Variants in GPC5 observed in about 807,000 individuals in gnomAD.
GPC5 encodes the protein glypican-5.
Under a neutral mutation model 53.9 loss-of-function variants are expected in GPC5, and 47 were observed. The ratio of observed to expected loss-of-function variants is 0.87; its 90% CI spans 0.69 to 1.11. GPC5 has a LOEUF of 1.11. Ranked by LOEUF, GPC5 falls within the 50% of genes most tolerant of loss-of-function variation. GPC5 has a pLI of 0.00. For synonymous variants in GPC5, 286 were observed against 263.3 expected (o/e 1.09, Z -0.84); for missense variants, 748 against 713.1 (o/e 1.05, Z -0.56).
chr13:92,820,599 C>T (rs1877641230), intron 7 of GPC5, among the ~76,000 whole-genome samples: 1 of 152,074 alleles, frequency 6.6e-6, no homozygotes, highest in Non-Finnish European at 1.5e-5. Context: ...CTTCACTAAC[C>T]CTCCTGCTTC....
rs570605789 is a variant in GPC5, at chr13:91,902,828, T to C, written c.1281-5109T>C. On this transcript the variant is annotated intron_variant, in intron 5 of 7. Transcript: ENST00000377067. ...TTTATATCAGACTTAGATCCTAAAG[T>C]ACTCACTTAATGACGACAGACCACT... Among the ~76,000 whole-genome samples the C allele has an allele frequency of 3.9e-5, 6 of 152,100 alleles. No homozygotes were observed. In the South Asian group the frequency reaches 1.0e-3, roughly 26 times the overall value.
At chr13:92,187,389 C>T (rs2042191773) in intron 7 of GPC5, among the ~76,000 whole-genome samples, 1 of 152,118 alleles carries the variant, frequency 6.6e-6, no homozygotes, top group Admixed American at 6.5e-5. Context: ...CTTGAGAGGA[C>T]TCAAAAATGC....
chr13:92,819,999 C>G (rs1266343075), intron 7 of GPC5, among the ~76,000 whole-genome samples: 1 of 151,968 alleles, frequency 6.6e-6, no homozygotes, highest in East Asian at 1.9e-4. Context: ...TTTTGCTGTT[C>G]TATCCCACAC....
chr13:91,439,150 G>A (rs868555628), intron 1 of GPC5, among the ~76,000 whole-genome samples: 9 of 152,150 alleles, frequency 5.9e-5, no homozygotes, highest in South Asian at 2.1e-4. Context: ...GCATGACTCC[G>A]GCTTTGTGTT....
At chr13:92,082,435 A>G (rs2138882771) in intron 6 of GPC5, among the ~76,000 whole-genome samples, 1 of 152,288 alleles carries the variant, frequency 6.6e-6, no homozygotes, top group East Asian at 1.9e-4. Context: ...CAGAGGAGTG[A>G]CAGCCTTCAA....
intron 6 of GPC5, among the ~76,000 whole-genome samples, chr13:91,968,689 T>C (rs1260703043): frequency 6.6e-6 from 1 of 152,214 alleles, no homozygotes; most frequent in East Asian, 1.9e-4. Flanking sequence ...CTCGAACTCC[T>C]GACCTCAGGT....
intron 7 of GPC5, among the ~76,000 whole-genome samples, chr13:92,546,271 C>A (rs940764749): frequency 6.6e-6 from 1 of 152,070 alleles, no homozygotes; most frequent in African/African-American, 2.4e-5. Flanking sequence ...AAAACCCCAT[C>A]GTCTCAACCC....
At chr13:92,726,118 A>G (rs765954629) in intron 7 of GPC5, among the ~76,000 whole-genome samples, 14 of 151,446 alleles carry the variant, frequency 9.2e-5, no homozygotes, top group South Asian at 2.1e-4. Flanking sequence ...AGAGCTCCAG[A>G]AAAGAGATGA....
At chr13:91,463,182 A>G (rs901280618) in intron 2 of GPC5, among the ~76,000 whole-genome samples, 1 of 152,096 alleles carries the variant, frequency 6.6e-6, no homozygotes, top group Non-Finnish European at 1.5e-5. Flanking sequence ...TATACTTTAA[A>G]TCATCTCTAG....
chr13:91,423,555 ATGG>A (rs1322239334), intron 1 of GPC5, among the ~76,000 whole-genome samples: 1 of 152,004 alleles, frequency 6.6e-6, no homozygotes, highest in African/African-American at 2.4e-5. Flanking sequence ...GGAGAGTAGG[ATGG>A]TGGTTACCAG....
intron 7 of GPC5, among the ~76,000 whole-genome samples, chr13:92,605,611 C>T (rs1263956367): frequency 7.1e-6 from 1 of 140,284 alleles, no homozygotes; most frequent in Non-Finnish European, 1.5e-5. Context: ...GAGACGGAGT[C>T]TCGCTCTGTC....
At chr13:91,589,128 G>T (rs2032704051) in intron 2 of GPC5, among the ~76,000 whole-genome samples, 1 of 152,022 alleles carries the variant, frequency 6.6e-6, no homozygotes, top group Non-Finnish European at 1.5e-5. Flanking sequence ...TGCAGTATTT[G>T]ATGTCTTTGA....
intron 7 of GPC5, chr13:92,240,677 G>A (rs2042605718): frequency 6.7e-6 from 1 of 150,190 alleles, no homozygotes; most frequent in South Asian, 2.1e-4. Context: ...CTAATTTTTT[G>A]TATTTTTAGT....
At chr13:92,752,325 C>G (rs993949539) in intron 7 of GPC5, among the ~76,000 whole-genome samples, 1 of 152,192 alleles carries the variant, frequency 6.6e-6, no homozygotes, top group Non-Finnish European at 1.5e-5. Flanking sequence ...ACAAAATGCT[C>G]TGGTCCTCTT....
chr13:92,192,992 T>C (rs1312765061), intron 7 of GPC5, among the ~76,000 whole-genome samples: 1 of 152,042 alleles, frequency 6.6e-6, no homozygotes, highest in East Asian at 1.9e-4. Context: ...CTGGCCAACA[T>C]AGTGAAATCC....
At chr13:92,510,174 T>A (rs1296454292) in intron 7 of GPC5, 3 of 150,760 alleles carry the variant, frequency 2.0e-5, no homozygotes, top group Admixed American at 6.7e-5. Flanking sequence ...TGTTTCTAGA[T>A]AAACATAATG....
rs568623708 is a variant in GPC5, at chr13:92,559,769, G to GT, written c.1562-306507dup. ...TTTTCTGTCTTCTGATGACCGTGGT[G>GT]TTTTTTCCACATGGTCCCATTTGGT... On this transcript the variant is annotated intron_variant, in intron 7 of 7. Coordinates refer to ENST00000377067, the MANE Select transcript of GPC5 (RefSeq NM_004466.6). Among the ~76,000 whole-genome samples the GT allele has an allele frequency of 4.3e-3, 645 of 151,704 alleles. 14 individuals are homozygous for GT. Among genetic ancestry groups the GT allele is most frequent in the Middle Eastern group, 6.8e-3 (2 of 292 alleles).
At chr13:91,526,557 C>A (rs1406238692) in intron 2 of GPC5, among the ~76,000 whole-genome samples, 1 of 152,152 alleles carries the variant, frequency 6.6e-6, no homozygotes, top group Non-Finnish European at 1.5e-5. Flanking sequence ...TTGCTTTTAT[C>A]TTAGCTTTAT....
At chr13:92,218,762 C>T (rs902149961) in intron 7 of GPC5, among the ~76,000 whole-genome samples, 23 of 152,134 alleles carry the variant, frequency 1.5e-4, no homozygotes, top group Non-Finnish European at 1.6e-4. Context: ...TCACAGATAA[C>T]GGCTGAAGCC....
Sources: gnomAD v4.1 joint callset for allele counts (sites outside exome capture counted in the v4.1 genomes callset) on GRCh38, gnomAD v4.1.1 for gene constraint, MANE v1.5 for transcripts, NCBI Gene and HGNC (gene_info 2026-07-23, HGNC 2026-07-21) for gene names.